Variants in VSTM2B observed in about 807,000 individuals in gnomAD.
VSTM2B encodes V-set and transmembrane domain-containing protein 2B.
In VSTM2B, 24 loss-of-function variants were observed where a neutral mutation model predicts 24.0. The observed-to-expected ratio is 1.00, with a 90% CI of 0.72 to 1.40. VSTM2B has a LOEUF of 1.40. Ranked by LOEUF, VSTM2B falls within the 40% of genes most tolerant of loss-of-function variation. The pLI is 0.00. For synonymous variants in VSTM2B, 226 were observed against 194.4 expected (o/e 1.16, Z -1.35); for missense variants, 399 against 416.4 (o/e 0.96, Z 0.36).
At chr19:29,528,949 G>A (rs902377836) in intron 3 of VSTM2B, 1 of 985,474 alleles carries the variant, frequency 1.0e-6, no homozygotes, top group Non-Finnish European at 1.2e-6. Context: ...CAGGCTTGCA[G>A]GGGACGGGGT....
At chr19:29,531,945 C>A (rs1969771205) in intron 4 of VSTM2B, among the ~76,000 whole-genome samples, 1 of 152,240 alleles carries the variant, frequency 6.6e-6, no homozygotes, top group Non-Finnish European at 1.5e-5. Context: ...TCCAAAGTCA[C>A]TCTGGGCATG....
chr19:29,551,757 C>T (rs1366971991), intron 4 of VSTM2B, among the ~76,000 whole-genome samples: 2 of 152,152 alleles, frequency 1.3e-5, no homozygotes, highest in Non-Finnish European at 2.9e-5. Context: ...GCTCATGCTC[C>T]AGCGCTATTC....
intron 4 of VSTM2B, among the ~76,000 whole-genome samples, chr19:29,563,263 C>CT (rs1555753171): frequency 8.5e-6 from 1 of 117,886 alleles, no homozygotes; most frequent in African/African-American, 3.1e-5. Context: ...TTTTTTTTTT[C>CT]TTTTTTTGAG....
chr19:29,537,702 C>T, intron 4 of VSTM2B, among the ~76,000 whole-genome samples: 1 of 151,412 alleles, frequency 6.6e-6, no homozygotes. Flanking sequence ...CACCCGCCCC[C>T]ACACCCACCT....
At chr19:29,541,151 G>A (rs1970010484) in intron 4 of VSTM2B, among the ~76,000 whole-genome samples, 1 of 152,216 alleles carries the variant, frequency 6.6e-6, no homozygotes, top group Admixed American at 6.5e-5. Context: ...AAACTGTAAG[G>A]CCTTTTGAAG....
At chr19:29,552,694 C>G (rs1177258778) in intron 4 of VSTM2B, among the ~76,000 whole-genome samples, 2 of 152,218 alleles carry the variant, frequency 1.3e-5, no homozygotes, top group Admixed American at 1.3e-4. Context: ...ACTGAGGCTG[C>G]CTGCTGCCTA....
intron 4 of VSTM2B, among the ~76,000 whole-genome samples, chr19:29,536,300 C>T (rs190294663): frequency 7.5e-4 from 115 of 152,326 alleles, no homozygotes; most frequent in Middle Eastern, 6.8e-3. Flanking sequence ...TCAGGAGAGG[C>T]TTCCTGTAGG....
At chr19:29,560,282 A>G (rs1970496639) in intron 4 of VSTM2B, among the ~76,000 whole-genome samples, 1 of 152,136 alleles carries the variant, frequency 6.6e-6, no homozygotes, top group South Asian at 2.1e-4. Flanking sequence ...TTTGCAATCA[A>G]CCACTATAAT....
At position 29,530,171 on chromosome 19, in the gene VSTM2B, A is replaced by G; in HGVS notation, c.650A>G (p.Glu217Gly). ...GCCGCCATCGATCCCGCAGTCCCCG[A>G]GGCCGCGGCAGCCTCGGCGGCCCAC... ...PPAAIDPAVP[E>G]AAAASAAHTP... is the part of the protein sequence containing the mutation. Residue 217 changes from glutamate (E) to glycine (G), a missense_variant, in exon 4 of 5, where the codon GAG becomes GGG. Transcript: ENST00000335523. 1 of 1,488,250 alleles carries G rather than the reference A, an allele frequency of 6.7e-7. No homozygotes were observed. The allele number at this position is 1,488,250 out of a possible 1,614,324, so 92.2% of individuals were successfully genotyped here. A position where few individuals can be genotyped will look rare whatever the true frequency, so the allele number is the denominator to read the frequency against.
chr19:29,534,505 G>A (rs1231429888), intron 4 of VSTM2B, among the ~76,000 whole-genome samples: 3 of 152,048 alleles, frequency 2.0e-5, no homozygotes, highest in African/African-American at 4.8e-5. Context: ...ACCTGAGGAC[G>A]GAAGTTTGAG....
intron 4 of VSTM2B, among the ~76,000 whole-genome samples, chr19:29,553,648 A>G (rs1970337672): frequency 6.6e-6 from 1 of 152,180 alleles, no homozygotes; most frequent in Non-Finnish European, 1.5e-5. Context: ...GTGGATAATA[A>G]CAAACTTTGC....
chr19:29,563,095 G>A (rs560029015), intron 4 of VSTM2B, among the ~76,000 whole-genome samples: 1 of 152,142 alleles, frequency 6.6e-6, no homozygotes, highest in Non-Finnish European at 1.5e-5. Flanking sequence ...GTGAAGCTGT[G>A]CAGTTTAGGC....
At chr19:29,557,330 C>G (rs1300518259) in intron 4 of VSTM2B, among the ~76,000 whole-genome samples, 1 of 152,214 alleles carries the variant, frequency 6.6e-6, no homozygotes, top group Admixed American at 6.5e-5. Flanking sequence ...GGAAAACTGG[C>G]TAGCCATATG....
At chr19:29,554,671 C>T (rs1361383562) in intron 4 of VSTM2B, among the ~76,000 whole-genome samples, 1 of 152,122 alleles carries the variant, frequency 6.6e-6, no homozygotes, top group Non-Finnish European at 1.5e-5. Context: ...ATTCAAGAGA[C>T]CCACTTACAT....
chr19:29,526,923 G>T lies in VSTM2B; in HGVS notation c.82+258G>T. ...GCCTGCGGGGAGCGGGAGTAGGCGC[G>T]CCCCAGCCAGGCTCTGGCGGTGCGG... On this transcript the variant is annotated intron_variant, in intron 1 of 4. Transcript: ENST00000335523. This position sits in a 1 kb window ranked among gnomAD's most constrained non-coding sequence, Gnocchi z 4.1. The T allele has an allele frequency of 4.3e-6, 2 of 462,084 alleles. No homozygotes were observed. Among genetic ancestry groups the T allele is most frequent in the Non-Finnish European group, 3.8e-6 (1 of 265,138 alleles). The allele number at this position is 462,084 out of a possible 1,614,324, so 28.6% of individuals were successfully genotyped here.
intron 4 of VSTM2B, among the ~76,000 whole-genome samples, chr19:29,533,741 G>A (rs1969817629): frequency 6.6e-6 from 1 of 152,226 alleles, no homozygotes; most frequent in Admixed American, 6.5e-5. Flanking sequence ...TGCAGACTGT[G>A]TTTTGGAGGA....
At chr19:29,549,013 GC>G (rs1970212558) in intron 4 of VSTM2B, among the ~76,000 whole-genome samples, 1 of 152,196 alleles carries the variant, frequency 6.6e-6, no homozygotes, top group African/African-American at 2.4e-5. Context: ...AGAGCAGCCG[GC>G]CCCCACCCAC....
chr19:29,560,200 C>G (rs1970495188), intron 4 of VSTM2B, among the ~76,000 whole-genome samples: 1 of 152,106 alleles, frequency 6.6e-6, no homozygotes, highest in African/African-American at 2.4e-5. Flanking sequence ...GTCATGTGAC[C>G]AAGCCCAGAG....
intron 4 of VSTM2B, among the ~76,000 whole-genome samples, chr19:29,559,675 A>T (rs1473304612): frequency 1.3e-5 from 2 of 152,018 alleles, no homozygotes; most frequent in African/African-American, 4.8e-5. Flanking sequence ...AGCTTGGAAA[A>T]TTTTCCTCTT....
Sources: gnomAD v4.1 joint callset for allele counts (sites outside exome capture counted in the v4.1 genomes callset) on GRCh38, gnomAD v4.1.1 for gene constraint, Gnocchi (gnomAD v3.1) non-coding constraint, MANE v1.5 for transcripts, NCBI Gene and HGNC (gene_info 2026-07-23, HGNC 2026-07-21) for gene names.